The following PPP2R5A variants were observed in gnomAD, a reference collection of about 807,000 sequenced individuals.
The protein encoded by PPP2R5A is protein phosphatase 2 regulatory subunit B'alpha, also known as serine/threonine-protein phosphatase 2A 56 kDa regulatory subunit alpha isoform.
PPP2R5A carries 25 observed loss-of-function variants against 64.2 expected under a neutral mutation model. The observed-to-expected ratio is 0.39, with a 90% CI of 0.28 to 0.54. PPP2R5A has a LOEUF of 0.54. Ranked by LOEUF, PPP2R5A falls within the 20% of genes least tolerant of loss-of-function variation. The pLI is 0.67. For missense variants in PPP2R5A, 425 were observed against 576.3 expected, an observed-to-expected ratio of 0.74 and a Z score of 2.69; for synonymous variants, 198 against 201.2, an observed-to-expected ratio of 0.98 and a Z score of 0.13.
At chr1:212,341,549 A>G (rs1044358479) in intron 3 of PPP2R5A, among the ~76,000 whole-genome samples, 1 of 152,162 alleles carries the variant, frequency 6.6e-6, no homozygotes, top group Admixed American at 6.5e-5. Context: ...CTTCCTAGTG[A>G]GTATGGATTA....
intron 1 of PPP2R5A, chr1:212,308,921 C>T (rs1658971261): frequency 2.2e-6 from 1 of 461,242 alleles, no homozygotes; most frequent in Admixed American, 3.6e-5. Flanking sequence ...TCATTTTATT[C>T]CTTTTTTCTT....
intron 1 of PPP2R5A, among the ~76,000 whole-genome samples, chr1:212,320,486 T>C (rs368193572): frequency 2.6e-5 from 4 of 152,116 alleles, no homozygotes; most frequent in African/African-American, 4.8e-5. Flanking sequence ...GGGTGGTGGC[T>C]GGACAGAGGG....
At chr1:212,286,550 C>T (rs1242330199) in intron 1 of PPP2R5A, among the ~76,000 whole-genome samples, 1 of 152,196 alleles carries the variant, frequency 6.6e-6, no homozygotes, top group African/African-American at 2.4e-5. Flanking sequence ...CCCTTCCCCA[C>T]CTGCGCGCTT....
At chr1:212,322,265 G>GGATGGAGAGGGAGAGGGAGAGGAGGGA (rs1659319115) in intron 1 of PPP2R5A, among the ~76,000 whole-genome samples, 1 of 85,280 alleles carries the variant, frequency 1.2e-5, no homozygotes, top group Non-Finnish European at 2.3e-5. Context: ...GAGAGGGAGA[G>GGATGGAGAGGGAGAGGGAGAGGAGGGA]GAGGGAGAGG....
chr1:212,300,338 A>G (rs1057247835), intron 1 of PPP2R5A, among the ~76,000 whole-genome samples: 4 of 152,240 alleles, frequency 2.6e-5, no homozygotes, highest in Admixed American at 2.6e-4. Flanking sequence ...TTATAATACA[A>G]TACTTGCTGT....
chr1:212,320,314 G>A (rs1659246724), intron 1 of PPP2R5A, among the ~76,000 whole-genome samples: 1 of 152,176 alleles, frequency 6.6e-6, no homozygotes, highest in Non-Finnish European at 1.5e-5. Context: ...TCTTAGTACA[G>A]AACAAAATCA....
intron 1 of PPP2R5A, among the ~76,000 whole-genome samples, chr1:212,306,359 G>C (rs1040537165): frequency 1.1e-5 from 1 of 89,432 alleles, no homozygotes; most frequent in Non-Finnish European, 2.4e-5. Context: ...GAAGAATGGA[G>C]GGGGGGTAAC....
intron 1 of PPP2R5A, among the ~76,000 whole-genome samples, chr1:212,328,240 A>G (rs1210274773): frequency 1.3e-5 from 2 of 152,238 alleles, no homozygotes; most frequent in Non-Finnish European, 2.9e-5. Flanking sequence ...AAACCAACCA[A>G]TTTAGCTTCA....
chr1:212,320,833 T>A lies in PPP2R5A; in HGVS notation c.182-8302T>A, dbSNP rs1357366789. Reference sequence around the variant, plus strand: ...GGGGCTGACCCCCCCACCTCCCTCCTGGACGGGGCGGCTGGCCGGGCAGAG... The same window carrying A: ...GGGGCTGACCCCCCCACCTCCCTCCAGGACGGGGCGGCTGGCCGGGCAGAG... On this transcript the variant is annotated intron_variant, in intron 1 of 12. Transcript: ENST00000261461. 2.3e-4 allele frequency among the ~76,000 whole-genome samples: 12 copies of A among 53,222 alleles called. No homozygotes were observed. The East Asian group carries it at 2.6e-3, about 11-fold the overall frequency. 34.9% of individuals were successfully genotyped at this position (53,222 alleles called of 152,430 possible).
At chr1:212,327,273 TA>T (rs1337966522) in intron 1 of PPP2R5A, among the ~76,000 whole-genome samples, 2 of 152,268 alleles carry the variant, frequency 1.3e-5, no homozygotes, top group East Asian at 3.8e-4. Flanking sequence ...GTGATTGAAC[TA>T]ATTGAATTCC....
chr1:212,302,184 T>C, intron 1 of PPP2R5A: 1 of 1,227,538 alleles, frequency 8.1e-7, no homozygotes, highest in Non-Finnish European at 1.1e-6. Flanking sequence ...AAGATGCATT[T>C]GAAACAGTAC....
chr1:212,329,516 G>A (rs1571597556), intron 2 of PPP2R5A, among the ~76,000 whole-genome samples, 185 bp downstream of exon 2: 1 of 152,190 alleles, frequency 6.6e-6, no homozygotes, highest in East Asian at 1.9e-4. Context: ...GGAATTGAGA[G>A]TCATAGTGGC....
intron 1 of PPP2R5A, among the ~76,000 whole-genome samples, chr1:212,303,934 T>C (rs1405248145): frequency 6.6e-6 from 1 of 152,244 alleles, no homozygotes; most frequent in Non-Finnish European, 1.5e-5. Flanking sequence ...TTGTTTTATA[T>C]AGTAAGTTTT....
At chr1:212,322,280 G>GGGAGAT (rs1659320336) in intron 1 of PPP2R5A, among the ~76,000 whole-genome samples, 1 of 133,400 alleles carries the variant, frequency 7.5e-6, no homozygotes, top group African/African-American at 2.9e-5. Flanking sequence ...GAGAGGGAGA[G>GGGAGAT]GAGGGAGAGG....
intron 1 of PPP2R5A, among the ~76,000 whole-genome samples, chr1:212,308,469 C>T (rs1367983127): frequency 6.8e-6 from 1 of 146,980 alleles, no homozygotes; most frequent in East Asian, 2.0e-4. Flanking sequence ...AGTATAGTGG[C>T]ATGATCTTGG....
In PPP2R5A at chr1:212,285,963, C is replaced by T. The variant is rs1658486778; in HGVS notation, c.-148C>T. On this transcript the variant is annotated 5_prime_UTR_variant, in exon 1 of 13. Coordinates refer to ENST00000261461, the MANE Select transcript of PPP2R5A (RefSeq NM_006243.4). ...CGTTGGCGGGCGGCGAGGAGAAGCTCGGCGGCGTCCCGGGGCCGGAGGGCC... is the reference window on the plus strand; with the variant it reads ...CGTTGGCGGGCGGCGAGGAGAAGCTTGGCGGCGTCCCGGGGCCGGAGGGCC... The T allele has an allele frequency of 2.7e-6, 2 of 743,658 alleles. No individual in the cohort carries two copies. Among genetic ancestry groups the T allele is most frequent in the East Asian group, 3.5e-5 (1 of 28,216 alleles). 46.1% of individuals were successfully genotyped at this position (743,658 alleles called of 1,614,324 possible). A position where few individuals can be genotyped will look rare whatever the true frequency, so the allele number is the denominator to read the frequency against.
At position 212,357,141 on chromosome 1, in the gene PPP2R5A, A is replaced by G; in HGVS notation, c.1099-16A>G. ...CCTATTTTAGTTTTGACATTTCTCT[A>G]AATGTCTTTTTTTAGGTTGCAGAAA... is the stretch of plus-strand genomic sequence containing the variant. On this transcript the variant is annotated splice_polypyrimidine_tract_variant and intron_variant, in intron 10 of 12. Transcript: ENST00000261461. The G allele has an allele frequency of 6.3e-7, 1 of 1,580,022 alleles. No individual in the cohort carries two copies. Among genetic ancestry groups the G allele is most frequent in the Non-Finnish European group, 8.6e-7 (1 of 1,165,978 alleles).
rs200668111 is a variant in PPP2R5A at position 212,345,877 on chromosome 1, G to T, written c.648G>T (p.Gly216=). The T allele has an allele frequency of 6.2e-7, 1 of 1,611,482 alleles. No individual in the cohort carries two copies. The highest frequency in any genetic ancestry group is 8.5e-7 in the Non-Finnish European group (1 of 1,178,408). ...AGACTGTTCTGCACCGAATTTATGG[G>T]AAATTTCTTGGATTAAGAGCATTCA... ...FLKTVLHRIY[G]KFLGLRAFIR... The change falls in exon 5 of 13, where the codon GGG becomes GGT. Residue 216 remains glycine (G), a synonymous_variant. Coordinates refer to ENST00000261461, the MANE Select transcript of PPP2R5A (RefSeq NM_006243.4).
In PPP2R5A at chr1:212,342,338, CTT is replaced by C. The variant is rs1416336611; in HGVS notation, c.573+59_573+60del. On this transcript the variant is annotated intron_variant, in intron 4 of 12. Transcript: ENST00000261461. ...ATTCATCTTAGCAATGATTTATTAA[CTT>C]ATTATTAAAATAGTGTAGTCTTTCA... 3 of 1,559,786 alleles carry C rather than the reference CTT, an allele frequency of 1.9e-6. No individual in the cohort carries two copies. The Admixed American group carries it at 5.8e-5, about 30-fold the overall frequency.
Sources: allele counts gnomAD v4.1 joint callset (sites outside exome capture counted in the v4.1 genomes callset), GRCh38; gene constraint gnomAD v4.1.1; transcripts MANE v1.5; gene names NCBI Gene and HGNC (gene_info 2026-07-23, HGNC 2026-07-21).